Variants in EPHA7 observed in about 807,000 individuals in gnomAD.
EPHA7 encodes EPH receptor A7, also known as ephrin type-A receptor 7.
Under a neutral mutation model 112.6 loss-of-function variants are expected in EPHA7, and 25 were observed. That is an observed-to-expected ratio of 0.22 (90% CI 0.16 to 0.31). EPHA7 has a LOEUF of 0.31. Ranked by LOEUF, EPHA7 falls within the 10% of genes least tolerant of loss-of-function variation. The probability of loss-of-function intolerance (pLI) is 1.00; values close to 1 mark genes in which losing one functional copy is unlikely to be tolerated. For missense variants in EPHA7, 962 were observed against 1,212.6 expected, an observed-to-expected ratio of 0.79 and a Z score of 3.07; for synonymous variants, 437 against 406.5, an observed-to-expected ratio of 1.07 and a Z score of -0.90.
chr6:93,266,340 T>C (rs1050546196), intron 7 of EPHA7, among the ~76,000 whole-genome samples: 1 of 151,632 alleles, frequency 6.6e-6, no homozygotes, highest in Non-Finnish European at 1.5e-5. Flanking sequence ...TCTCTGCTTG[T>C]CTTAGGCTCA....
chr6:93,353,661 G>A (rs1368129449), intron 5 of EPHA7, among the ~76,000 whole-genome samples: 1 of 152,076 alleles, frequency 6.6e-6, no homozygotes, highest in Non-Finnish European at 1.5e-5. Context: ...TTATGGCAAT[G>A]TATGAGTTTA....
intron 5 of EPHA7, among the ~76,000 whole-genome samples, chr6:93,313,993 T>G (rs1582503143): frequency 6.6e-6 from 1 of 152,144 alleles, no homozygotes; most frequent in East Asian, 1.9e-4. Flanking sequence ...TGTGGTATAT[T>G]TTATAATTTC....
chr6:93,380,596 A>T (rs1777289392), intron 3 of EPHA7, among the ~76,000 whole-genome samples: 1 of 152,142 alleles, frequency 6.6e-6, no homozygotes, highest in Non-Finnish European at 1.5e-5. Context: ...TGCTAAAAAC[A>T]GGCAGGTACT....
At chr6:93,343,945 A>G (rs1263517402) in intron 5 of EPHA7, among the ~76,000 whole-genome samples, 1 of 151,734 alleles carries the variant, frequency 6.6e-6, no homozygotes, top group Non-Finnish European at 1.5e-5. Context: ...ATTTTCAAAG[A>G]TAAAGGAAAT....
intron 15 of EPHA7, 31 bp downstream of exon 15, chr6:93,246,760 TC>T: frequency 6.5e-7 from 1 of 1,549,168 alleles, no homozygotes; most frequent in African/African-American, 1.4e-5. Context: ...TTGTAATTTC[TC>T]CCAGATTCCA....
intron 3 of EPHA7, among the ~76,000 whole-genome samples, chr6:93,409,195 A>G (rs1186281657): frequency 1.3e-5 from 2 of 152,084 alleles, no homozygotes. Flanking sequence ...TCCAATTTAT[A>G]TATGTATATG....
At chr6:93,409,930 C>T (rs972439254) in intron 3 of EPHA7, 1 of 144,174 alleles carries the variant, frequency 6.9e-6, no homozygotes, top group Non-Finnish European at 1.5e-5. Context: ...AAAAAACACA[C>T]ACCTTTCTCA....
chr6:93,350,207 G>T (rs1341434233), intron 5 of EPHA7, among the ~76,000 whole-genome samples: 1 of 151,970 alleles, frequency 6.6e-6, no homozygotes, highest in Non-Finnish European at 1.5e-5. Context: ...ATCCCACAAA[G>T]ATTACATTTG....
intron 5 of EPHA7, among the ~76,000 whole-genome samples, chr6:93,355,975 G>A (rs1315947645): frequency 1.3e-5 from 2 of 152,082 alleles, no homozygotes; most frequent in Non-Finnish European, 2.9e-5. Flanking sequence ...GTATTACAAA[G>A]ATCATAGTCT....
chr6:93,294,871 T>C (rs1376070919), intron 5 of EPHA7, among the ~76,000 whole-genome samples: 1 of 152,110 alleles, frequency 6.6e-6, no homozygotes, highest in African/African-American at 2.4e-5. Flanking sequence ...TTTTACTGAA[T>C]TTATCTGAAA....
chr6:93,404,904 T>A (rs2127991003), intron 3 of EPHA7, among the ~76,000 whole-genome samples: 1 of 152,006 alleles, frequency 6.6e-6, no homozygotes, highest in East Asian at 1.9e-4. Context: ...TAATTTAAAC[T>A]ATATTTGCCA....
intron 5 of EPHA7, among the ~76,000 whole-genome samples, chr6:93,288,845 T>C (rs1772206953): frequency 6.6e-6 from 1 of 152,190 alleles, no homozygotes; most frequent in South Asian, 2.1e-4. Flanking sequence ...AATTAGCAAA[T>C]ATCTTTTTAT....
chr6:93,407,474 G>A (rs770981222), intron 3 of EPHA7, among the ~76,000 whole-genome samples: 41 of 152,132 alleles, frequency 2.7e-4, no homozygotes, highest in Middle Eastern at 3.4e-3. Flanking sequence ...TTTTGCAAAT[G>A]AACATAGTTC....
chr6:93,368,172 A>G (rs966866820), intron 3 of EPHA7, among the ~76,000 whole-genome samples: 2 of 152,142 alleles, frequency 1.3e-5, no homozygotes, highest in African/African-American at 4.8e-5. Context: ...TTATGAGCTT[A>G]AGCTAATTAA....
At chr6:93,270,578 G>C (rs531284559) in intron 6 of EPHA7, among the ~76,000 whole-genome samples, 24 of 151,688 alleles carry the variant, frequency 1.6e-4, no homozygotes, top group African/African-American at 5.5e-4. Context: ...CTTATTTGGT[G>C]TATAATAAAT....
intron 14 of EPHA7, 52 bp from the exon 15 acceptor site, chr6:93,247,037 T>G (rs1769986572): frequency 1.4e-6 from 2 of 1,454,270 alleles, no homozygotes; most frequent in Non-Finnish European, 1.9e-6. Context: ...TCAATTATAA[T>G]AAACCAAATT....
intron 3 of EPHA7, among the ~76,000 whole-genome samples, chr6:93,389,469 T>A (rs1347836003): frequency 6.6e-6 from 1 of 152,030 alleles, no homozygotes; most frequent in African/African-American, 2.4e-5. Context: ...GAAGAAATAT[T>A]CTTGATAATT....
chr6:93,274,019 C>T (rs1771353902), intron 5 of EPHA7, among the ~76,000 whole-genome samples: 1 of 151,934 alleles, frequency 6.6e-6, no homozygotes, highest in Non-Finnish European at 1.5e-5. Context: ...AAACAATAGA[C>T]TGCAGCACAG....
At chr6:93,392,978 T>C (rs953493416) in intron 3 of EPHA7, among the ~76,000 whole-genome samples, 5 of 151,904 alleles carry the variant, frequency 3.3e-5, no homozygotes, top group African/African-American at 9.7e-5. Context: ...AAATTAATTA[T>C]AGTAATACCT....
Sources: gnomAD v4.1 joint callset for allele counts (sites outside exome capture counted in the v4.1 genomes callset) on GRCh38, gnomAD v4.1.1 for gene constraint, MANE v1.5 for transcripts, NCBI Gene and HGNC (gene_info 2026-07-23, HGNC 2026-07-21) for gene names.